Variants in SLC23A1 observed in about 807,000 individuals in gnomAD.
SLC23A1 encodes the protein Na(+)/L-ascorbic acid transporter 1.
A neutral mutation model predicts 62.5 loss-of-function variants in SLC23A1; 31 were observed. The ratio of observed to expected loss-of-function variants is 0.50; its 90% CI spans 0.37 to 0.67. The LOEUF is 0.67. Among genes scored for constraint, SLC23A1 ranks in the 30% least tolerant of loss-of-function variants. SLC23A1 has a pLI of 0.00. For synonymous variants in SLC23A1, 271 were observed against 313.2 expected, an observed-to-expected ratio of 0.87 and a Z score of 1.42; for missense variants, 640 against 782.7, an observed-to-expected ratio of 0.82 and a Z score of 2.18.
chr5:139,374,972 C>T (rs748206270), intron 13 of SLC23A1, among the ~76,000 whole-genome samples: 8 of 152,168 alleles, frequency 5.3e-5, no homozygotes, highest in African/African-American at 1.7e-4. Flanking sequence ...ACCCATCCAT[C>T]GAAGGGACAG....
chr5:139,370,470 C>CTTTG (rs377563397), intron 14 of SLC23A1, among the ~76,000 whole-genome samples: 3 of 140,200 alleles, frequency 2.1e-5, no homozygotes, highest in Non-Finnish European at 4.6e-5. Context: ...CGCACCCAGC[C>CTTTG]TTTATTTATT....
chr5:139,370,035 A>C (rs1389408407), intron 14 of SLC23A1, among the ~76,000 whole-genome samples: 1 of 152,204 alleles, frequency 6.6e-6, no homozygotes, highest in Non-Finnish European at 1.5e-5. Flanking sequence ...TTTGTTCTTC[A>C]CAAGGGCTTT....
At position 139,378,212 on chromosome 5, in the gene SLC23A1, A is replaced by G; in HGVS notation, c.1309+10T>C. The G allele has an allele frequency of 6.2e-7, 1 of 1,613,008 alleles. No homozygotes were observed. The highest frequency in any genetic ancestry group is 8.5e-7 in the Non-Finnish European group (1 of 1,179,630). On this transcript the variant is annotated intron_variant, in intron 11 of 14. Transcript: ENST00000348729. The surrounding 1 kb of genome is among the most constrained non-coding windows in gnomAD (Gnocchi z 4.5). ...CGCACCGCGACCCGTGGCCCGCGCC[A>G]GACACTCACCAAAGAGAGTGCAGAA... is the stretch of plus-strand genomic sequence containing the variant.
In SLC23A1 at chr5:139,378,601, A is replaced by T; in HGVS notation, c.1157T>A (p.Ile386Asn). ...GNGSTSSSPN[I>N]GVLGITKVGS... ...CACCTTGGTAATTCCCAGGACGCCA[A>T]TGTTGGGACTGGACGAGGTGGACCC... is the stretch of plus-strand genomic sequence containing the variant. The change falls in exon 10 of 15, where the codon ATT becomes AAT. Residue 386 changes from isoleucine (I) to asparagine (N), a missense_variant. Transcript: ENST00000348729. This position sits in a 1 kb window ranked among gnomAD's most constrained non-coding sequence, Gnocchi z 4.5. 1 of 1,610,566 alleles carries T rather than the reference A, an allele frequency of 6.2e-7. No individual in the cohort carries two copies. Among genetic ancestry groups the T allele is most frequent in the South Asian group, 1.1e-5 (1 of 90,258 alleles).
At chr5:139,374,788 C>T (rs1474136522) in intron 13 of SLC23A1, among the ~76,000 whole-genome samples, 1 of 152,090 alleles carries the variant, frequency 6.6e-6, no homozygotes, top group African/African-American at 2.4e-5. Context: ...AACTAGCCAC[C>T]CAAGTCACAA....
chr5:139,374,394 G>A (rs187163424), intron 13 of SLC23A1, among the ~76,000 whole-genome samples: 17 of 152,280 alleles, frequency 1.1e-4, no homozygotes, highest in African/African-American at 3.9e-4. Context: ...CCAAGATTGC[G>A]CCACTGCACT....
At chr5:139,385,652 G>T (rs975042864), upstream of SLC23A1, among the ~76,000 whole-genome samples, 1 of 152,212 alleles carries the variant, frequency 6.6e-6, no homozygotes, top group African/African-American at 2.4e-5. Flanking sequence ...CAGTGAAAGA[G>T]ATCTAACTTA....
intron 5 of SLC23A1, 33 bp downstream of exon 5, chr5:139,380,532 C>A (rs1314155805): frequency 1.2e-6 from 2 of 1,610,112 alleles, no homozygotes; most frequent in Admixed American, 1.7e-5. Flanking sequence ...CTCCTCAGGA[C>A]CCGGCCTCTT....
At position 139,378,353 on chromosome 5, in the gene SLC23A1, T is replaced by C. The variant is rs1289323905; in HGVS notation, c.1180-2A>G. ...CTGCACCACGCGCCGGCTGCCCACC[T>C]GCCGGGGAGCCAGCGGGGAAGCTAG... On this transcript the variant is annotated splice_acceptor_variant, in intron 10 of 14. Transcript: ENST00000348729. LOFTEE classifies it high-confidence loss of function. This position sits in a 1 kb window ranked among gnomAD's most constrained non-coding sequence, Gnocchi z 4.5. 6.4e-7 allele frequency: 1 copy of C among 1,559,062 alleles called. No individual in the cohort carries two copies. The highest frequency in any genetic ancestry group is 1.9e-5 in the Admixed American group (1 of 52,020).
At chr5:139,382,743 T>C (rs1758341028) in intron 1 of SLC23A1, 138 bp from the exon 2 acceptor site, 4 of 623,224 alleles carry the variant, frequency 6.4e-6, no homozygotes, top group Non-Finnish European at 1.1e-5. Flanking sequence ...CAACAGTCCA[T>C]CCACCCGGGT....
intron 1 of SLC23A1, 117 bp from the exon 2 acceptor site, chr5:139,382,722 C>A: frequency 1.5e-6 from 1 of 682,020 alleles, no homozygotes; most frequent in Non-Finnish European, 2.6e-6. Context: ...GAGCGGGGTT[C>A]CCGCCCTCCC....
chr5:139,380,736 T>C (rs1758211356), intron 4 of SLC23A1, 62 bp downstream of exon 4: 5 of 1,463,840 alleles, frequency 3.4e-6, no homozygotes, highest in Non-Finnish European at 4.8e-6. Context: ...GGACAGTTGC[T>C]CAGACCTCCA....
upstream of SLC23A1, chr5:139,383,343 C>A: frequency 6.4e-7 from 1 of 1,561,732 alleles, no homozygotes; most frequent in Non-Finnish European, 8.7e-7. Context: ...ACATATCAGG[C>A]ATTGTTTGAA....
chr5:139,379,616 C>CAGGAGTCTGTCTCAT lies in SLC23A1; in HGVS notation c.925+47_925+61dup. 1.3e-6 allele frequency: 2 copies of CAGGAGTCTGTCTCAT among 1,488,958 alleles called. No homozygotes were observed. Among genetic ancestry groups the CAGGAGTCTGTCTCAT allele is most frequent in the Non-Finnish European group, 1.8e-6 (2 of 1,084,402 alleles). The allele number at this position is 1,488,958 out of a possible 1,614,324, so 92.2% of individuals were successfully genotyped here. A position where few individuals can be genotyped will look rare whatever the true frequency, so the allele number is the denominator to read the frequency against. On this transcript the variant is annotated intron_variant, in intron 8 of 14. Coordinates refer to ENST00000348729, the MANE Select transcript of SLC23A1 (RefSeq NM_005847.5). The surrounding 1 kb of genome is among the most constrained non-coding windows in gnomAD (Gnocchi z 4.7). ...GTGTCACCTGCTGGATTGGGGTCACCAGGAGTCTGTCTCATAGGTGGTCTC... is the reference window on the plus strand; with the variant it reads ...GTGTCACCTGCTGGATTGGGGTCACCAGGAGTCTGTCTCATAGGAGTCTGTCTCATAGGTGGTCTC...
Position 139,379,751 on chromosome 5 carries a change from A to C in SLC23A1, c.852T>G (p.Tyr284Ter). 6.2e-7 allele frequency: 1 copy of C among 1,614,058 alleles called. No individual in the cohort carries two copies. Among genetic ancestry groups the C allele is most frequent in the Non-Finnish European group, 8.5e-7 (1 of 1,179,990 alleles). Residue 284 changes from tyrosine to a stop codon, truncating the protein, a stop_gained, in exon 8 of 15, where the codon TAT becomes TAG. Transcript: ENST00000348729. LOFTEE classifies it high-confidence loss of function. This position sits in a 1 kb window ranked among gnomAD's most constrained non-coding sequence, Gnocchi z 4.7. ...TDVLPTDPKAYGFQARTDARG... is the reference protein window; with the variant it reads ...TDVLPTDPKA ...GGGCATCGGTTCGTGCCTGGAAGCC[A>C]TAGGCTTTTGGGTCTGTGGGCAGCA...
intron 14 of SLC23A1, among the ~76,000 whole-genome samples, chr5:139,368,413 C>A (rs955053761): frequency 3.3e-5 from 5 of 152,026 alleles, no homozygotes; most frequent in African/African-American, 1.2e-4. Flanking sequence ...CCTGTAGTCC[C>A]AGCTACTCAG....
In SLC23A1 at chr5:139,380,872, T is replaced by A; in HGVS notation, c.323A>T (p.Gln108Leu). The change falls in exon 4 of 15, where the codon CAG becomes CTG. Residue 108 changes from glutamine to leucine, a missense_variant. Gln to Leu is a moderately radical substitution (Grantham distance 113, BLOSUM62 -2). Transcript: ENST00000348729. ...TTVGIRLPLF[Q>L]ASAFAFLVPA... is the part of the protein sequence containing the mutation. ...AACCAGAAATGCAAAGGCACTGGCC[T>A]GGAACAGCGGCAGCCTGGAGGAGAG... The A allele has an allele frequency of 7.2e-7, 1 of 1,393,750 alleles. No individual in the cohort carries two copies. The highest frequency in any genetic ancestry group is 9.5e-7 in the Non-Finnish European group (1 of 1,057,580). The allele number at this position is 1,393,750 out of a possible 1,614,324, so 86.3% of individuals were successfully genotyped here. A position where few individuals can be genotyped will look rare whatever the true frequency, so the allele number is the denominator to read the frequency against.
intron 14 of SLC23A1, chr5:139,369,019 A>G (rs992889791): frequency 6.0e-5 from 25 of 417,680 alleles, no homozygotes; most frequent in African/African-American, 4.9e-4. Context: ...GCTTGATGTG[A>G]AGACAGCAAG....
At position 139,378,311 on chromosome 5, in the gene SLC23A1, A is replaced by G; in HGVS notation, c.1220T>C (p.Met407Thr). The G allele has an allele frequency of 6.3e-7, 1 of 1,587,980 alleles. No individual in the cohort carries two copies. Among genetic ancestry groups the G allele is most frequent in the Non-Finnish European group, 8.6e-7 (1 of 1,167,906 alleles). Reference sequence around the variant, plus strand: ...CTTGCCGATGGTGCCCAGGACCAGCATGATAGCCGCACCATACTGCACCAC... The same window carrying G: ...CTTGCCGATGGTGCCCAGGACCAGCGTGATAGCCGCACCATACTGCACCAC... ...RRVVQYGAAI[M>T]LVLGTIGKFT... Residue 407 changes from methionine (M) to threonine (T), a missense_variant, in exon 11 of 15, where the codon ATG (methionine) becomes ACG (threonine). By Grantham distance (81) the Met-to-Thr change is moderately conservative (BLOSUM62 -1). Coordinates refer to ENST00000348729, the MANE Select transcript of SLC23A1 (RefSeq NM_005847.5). This position sits in a 1 kb window ranked among gnomAD's most constrained non-coding sequence, Gnocchi z 4.5.
Sources: allele counts gnomAD v4.1 joint callset (sites outside exome capture counted in the v4.1 genomes callset), GRCh38; gene constraint gnomAD v4.1.1; non-coding constraint Gnocchi (gnomAD v3.1); transcripts MANE v1.5; gene names NCBI Gene and HGNC (gene_info 2026-07-23, HGNC 2026-07-21).